The following OR1M1 variants were observed in gnomAD, a reference collection of about 807,000 sequenced individuals.
OR1M1 encodes the protein olfactory receptor 1M1.
For synonymous variants in OR1M1, 157 were observed against 165.5 expected (o/e 0.95, Z 0.39); for missense variants, 397 against 401.8 (o/e 0.99, Z 0.10).
At chr19:9,088,794 C>T (rs1214319810) in intron 1 of OR1M1, among the ~76,000 whole-genome samples, 12 of 151,310 alleles carry the variant, frequency 7.9e-5, no homozygotes, top group Admixed American at 6.6e-4. Flanking sequence ...AGGCTGAGGC[C>T]AGAGAACCAT....
chr19:9,089,005 A>C (rs1233613102), intron 1 of OR1M1, among the ~76,000 whole-genome samples: 2 of 152,190 alleles, frequency 1.3e-5, no homozygotes, highest in African/African-American at 4.8e-5. Flanking sequence ...GGTAATTAGC[A>C]CATCTATTAT....
At chr19:9,089,898 T>G (rs2050283962) in intron 1 of OR1M1, among the ~76,000 whole-genome samples, 1 of 152,172 alleles carries the variant, frequency 6.6e-6, no homozygotes, top group Admixed American at 6.6e-5. Context: ...AATTCATGAA[T>G]CCATGCGTGC....
chr19:9,090,129 C>T (rs2050284810), intron 1 of OR1M1, among the ~76,000 whole-genome samples: 1 of 152,186 alleles, frequency 6.6e-6, no homozygotes, highest in Non-Finnish European at 1.5e-5. Flanking sequence ...ATCACTGATT[C>T]ATGCGTATAT....
intron 1 of OR1M1, among the ~76,000 whole-genome samples, chr19:9,089,580 C>A (rs2569401): frequency 0.36 from 54,639 of 151,734 alleles, 10,111 homozygotes; most frequent in East Asian, 0.52. Flanking sequence ...CCCACCACTA[C>A]GCCCGGATAA....
chr19:9,093,812 A>C lies in OR1M1; in HGVS notation c.568A>C (p.Thr190Pro). The C allele has an allele frequency of 6.2e-7, 1 of 1,614,050 alleles. No homozygotes were observed. The highest frequency in any genetic ancestry group is 8.5e-7 in the Non-Finnish European group (1 of 1,180,028). ...CACTCCCATCCTCCGACTTTCGTGC[A>C]CGGACACCTCTGTGAATAGGATCTT... Reference protein sequence around the residue: ...DLTPILRLSCTDTSVNRIFIL... With the variant: ...DLTPILRLSCPDTSVNRIFIL... Residue 190 changes from threonine to proline, a missense_variant, in exon 2 of 2, where the codon ACG (threonine) becomes CCG (proline). Thr to Pro is a conservative substitution (Grantham distance 38). Transcript: ENST00000641627.
intron 1 of OR1M1, among the ~76,000 whole-genome samples, chr19:9,091,882 A>C (rs989886270): frequency 6.6e-6 from 1 of 151,950 alleles, no homozygotes; most frequent in African/African-American, 2.4e-5. Context: ...GAAAGAAAAG[A>C]GGGAAAGAAT....
intron 1 of OR1M1, 195 bp from the exon 2 acceptor site, chr19:9,093,037 C>CTCTA (rs1491233127): frequency 5.4e-5 from 14 of 259,304 alleles, no homozygotes; most frequent in African/African-American, 2.0e-4. Context: ...CTCTCTCTCT[C>CTCTA]TATATATATA....
rs892952412 is a variant in OR1M1 at position 9,093,677 on chromosome 19, G to A, written c.433G>A (p.Val145Ile). Residue 145 changes from valine to isoleucine, a missense_variant, in exon 2 of 2, where the codon GTC (valine) becomes ATC (isoleucine). Coordinates refer to ENST00000641627, the MANE Select transcript of OR1M1 (RefSeq NM_001004456.2). The stretch of plus-strand genomic sequence containing the variant: ...GAGCCTACGCCTCTGTCGCCTGCTG[G>A]TCGGCGCCCTCTGGGCGTTTTCCTG... ...IMSLRLCRLLVGALWAFSCFI... is the reference protein window; with the variant it reads ...IMSLRLCRLLIGALWAFSCFI... 1.9e-6 allele frequency: 3 copies of A among 1,614,032 alleles called. No homozygotes were observed. The highest frequency in any genetic ancestry group is 1.7e-5 in the Admixed American group (1 of 60,006).
intron 1 of OR1M1, among the ~76,000 whole-genome samples, chr19:9,088,096 G>A (rs2050273972): frequency 6.6e-6 from 1 of 151,850 alleles, no homozygotes; most frequent in Admixed American, 6.6e-5. Flanking sequence ...TCACCATAAT[G>A]GCCACGCTGG....
rs543396854 is a variant in OR1M1 at position 9,090,206 on chromosome 19, A to G, written c.-13-3026A>G. Among the ~76,000 whole-genome samples, 4 of 152,328 alleles carry G rather than the reference A, an allele frequency of 2.6e-5. No individual in the cohort carries two copies. The East Asian group carries it at 7.7e-4, about 29-fold the overall frequency. ...CTGGTCACAAAAATGAACAAAGACA[A>G]ACAATTCCTGATTTCAAATGTCTTG... On this transcript the variant is annotated intron_variant, in intron 1 of 1. Coordinates refer to ENST00000641627, the MANE Select transcript of OR1M1 (RefSeq NM_001004456.2).
At chr19:9,091,932 A>T (rs1215008221) in intron 1 of OR1M1, among the ~76,000 whole-genome samples, 2 of 151,890 alleles carry the variant, frequency 1.3e-5, no homozygotes, top group African/African-American at 4.8e-5. Context: ...TGTTATTGAG[A>T]TGTAGTCTTG....
At chr19:9,090,727 C>A (rs1210371500) in intron 1 of OR1M1, among the ~76,000 whole-genome samples, 1 of 151,708 alleles carries the variant, frequency 6.6e-6, no homozygotes, top group African/African-American at 2.4e-5. Flanking sequence ...AGCCACCGCG[C>A]CCGGCCGACT....
chr19:9,094,531 T>C lies in OR1M1; in HGVS notation c.*345T>C. ...TGAGCTACCACGCCGAGCCTCACTT[T>C]GAATTTTTTGTTTGTTTTTGTTTTT... On this transcript the variant is annotated 3_prime_UTR_variant, in exon 2 of 2. Transcript: ENST00000641627. 5.3e-6 allele frequency: 1 copy of C among 188,714 alleles called. No individual in the cohort carries two copies. Among genetic ancestry groups the C allele is most frequent in the Non-Finnish European group, 1.1e-5 (1 of 91,814 alleles). 11.7% of individuals were successfully genotyped at this position (188,714 alleles called of 1,614,324 possible).
Position 9,093,109 on chromosome 19 carries a change from CAT to C in OR1M1, c.-13-111_-13-110del, listed in dbSNP as rs1555707937. ...ACACACACACACACACACACACACA[CAT>C]ATATATATATACACATCTGGTCTCA... On this transcript the variant is annotated intron_variant, in intron 1 of 1. Coordinates refer to ENST00000641627, the MANE Select transcript of OR1M1 (RefSeq NM_001004456.2). The C allele has an allele frequency of 2.3e-4, 113 of 491,240 alleles. 1 individual carries two copies. The highest frequency in any genetic ancestry group is 8.5e-4 in the Middle Eastern group (2 of 2,354). The allele number at this position is 491,240 out of a possible 1,614,324, so 30.4% of individuals were successfully genotyped here. A position where few individuals can be genotyped will look rare whatever the true frequency, so the allele number is the denominator to read the frequency against.
intron 1 of OR1M1, among the ~76,000 whole-genome samples, chr19:9,090,985 T>C (rs2145903660): frequency 6.6e-6 from 1 of 151,424 alleles, no homozygotes; most frequent in South Asian, 2.1e-4. Flanking sequence ...GCTAACATGG[T>C]GAAACCCCGT....
intron 1 of OR1M1, among the ~76,000 whole-genome samples, chr19:9,090,235 A>G (rs2050285307): frequency 1.3e-5 from 2 of 152,196 alleles, no homozygotes; most frequent in Non-Finnish European, 2.9e-5. Context: ...TGTCTTGAGG[A>G]CAGGGTCTGT....
chr19:9,089,252 AT>A (rs542965107), intron 1 of OR1M1, among the ~76,000 whole-genome samples: 16 of 151,338 alleles, frequency 1.1e-4, no homozygotes, highest in Non-Finnish European at 1.8e-4. Flanking sequence ...CTATGAAATC[AT>A]TTTTTTTCTT....
chr19:9,088,551 T>A (rs901665672), intron 1 of OR1M1, among the ~76,000 whole-genome samples: 1 of 152,104 alleles, frequency 6.6e-6, no homozygotes, highest in Admixed American at 6.6e-5. Flanking sequence ...CCATTAGTAG[T>A]TTAATCACAG....
At position 9,093,079 on chromosome 19, in the gene OR1M1, T is replaced by TACACAC. The variant is rs560891702; in HGVS notation, c.-13-127_-13-122dup. On this transcript the variant is annotated intron_variant, in intron 1 of 1. Coordinates refer to ENST00000641627, the MANE Select transcript of OR1M1 (RefSeq NM_001004456.2). ...CACACACACATATATATTCTATATA[T>TACACAC]ACACACACACACACACACACACACA... is the stretch of plus-strand genomic sequence containing the variant. 4.3e-3 allele frequency: 1,767 copies of TACACAC among 406,302 alleles called. 7 individuals carry two copies. The highest frequency in any genetic ancestry group is 0.029 in the Admixed American group (665 of 22,696). 25.2% of individuals were successfully genotyped at this position (406,302 alleles called of 1,614,324 possible).
Sources: allele counts gnomAD v4.1 joint callset (sites outside exome capture counted in the v4.1 genomes callset), GRCh38; gene constraint gnomAD v4.1.1; transcripts MANE v1.5; gene names NCBI Gene and HGNC (gene_info 2026-07-23, HGNC 2026-07-21).